PHACTR1: variants seen among roughly 807,000 people sequenced by gnomAD.
The protein encoded by PHACTR1 is phosphatase and actin regulator 1.
Under a neutral mutation model 69.2 loss-of-function variants are expected in PHACTR1, and 16 were observed. The ratio of observed to expected loss-of-function variants is 0.23; its 90% confidence interval spans 0.16 to 0.35. PHACTR1 has a LOEUF of 0.35. PHACTR1 is among the 10% of genes least tolerant of loss of function. PHACTR1 has a pLI of 1.00. For synonymous variants in PHACTR1, 312 were observed against 284.5 expected (o/e 1.10, Z -0.97); for missense variants, 510 against 734.7 (o/e 0.69, Z 3.54).
chr6:12,946,838 AG>A (rs1468802845), intron 4 of PHACTR1, among the ~76,000 whole-genome samples: 1 of 107,288 alleles, frequency 9.3e-6, no homozygotes, highest in African/African-American at 3.8e-5. Context: ...TTTGAGATGG[AG>A]TCTTGCTCTG....
chr6:12,892,759 C>T (rs1476126915), intron 4 of PHACTR1, among the ~76,000 whole-genome samples: 8 of 152,190 alleles, frequency 5.3e-5, no homozygotes, highest in Admixed American at 5.2e-4. Flanking sequence ...TGTCATAGCT[C>T]ATGCTCCAGG....
chr6:12,942,609 A>C lies in PHACTR1; in HGVS notation c.251-110756A>C, dbSNP rs376702063. On this transcript the variant is annotated intron_variant, in intron 4 of 14. Transcript: ENST00000332995. ...AGGAGGCGGCAGGTTCAGTGAGCCG[A>C]GATCATACCACTGCACTCCAGCCTG... Among the ~76,000 whole-genome samples, 3 of 152,234 alleles carry C rather than the reference A, an allele frequency of 2.0e-5. No individual in the cohort carries two copies. The East Asian group carries it at 5.8e-4, about 29-fold the overall frequency.
chr6:12,968,622 ATCTGGTGATGTGAGCTTTTT>A (rs1352455869), intron 4 of PHACTR1, among the ~76,000 whole-genome samples: 1 of 152,248 alleles, frequency 6.6e-6, no homozygotes, highest in Non-Finnish European at 1.5e-5. Context: ...AACTAAATTC[ATCTGGTGATGTGAGCTTTTT>A]TTGTCACTAA....
intron 4 of PHACTR1, among the ~76,000 whole-genome samples, chr6:12,900,284 AT>A (rs915168240): frequency 9.8e-5 from 14 of 143,172 alleles, no homozygotes; most frequent in African/African-American, 2.1e-4. Flanking sequence ...TTAGCTCATC[AT>A]TTTTTTTTTC....
chr6:12,838,006 G>T (rs771687913), intron 4 of PHACTR1, among the ~76,000 whole-genome samples: 6 of 152,192 alleles, frequency 3.9e-5, no homozygotes, highest in Non-Finnish European at 8.8e-5. Context: ...GTCATTGTCA[G>T]CAGAATTCAG....
rs111555313 is a variant in PHACTR1, at chr6:13,283,442, G to A, written c.1530G>A (p.Val510=). The A allele has an allele frequency of 5.3e-5, 86 of 1,613,714 alleles. 3 individuals carry two copies. The African/African-American group carries it at 5.5e-4, about 10-fold the overall frequency. The change falls in exon 13 of 15, where the codon GTG becomes GTA. Residue 510 remains valine (V), a synonymous_variant. Transcript: ENST00000332995. This position sits in a 1 kb window ranked among gnomAD's most constrained non-coding sequence, Gnocchi z 4.7. The part of the protein sequence containing the change: ...LTRKLSQRPT[V]EELRERKILI... ...TGCAGCTCAGTCAAAGGCCCACGGT[G>A]GAAGAGCTTCGGGAAAGAAAGATCC... is the stretch of plus-strand genomic sequence containing the variant.
intron 11 of PHACTR1, chr6:13,274,249 G>A (rs190261106): frequency 6.6e-6 from 1 of 152,198 alleles, no homozygotes; most frequent in Non-Finnish European, 1.5e-5. Flanking sequence ...GCCTTCCTCA[G>A]TCGTGGGGGA....
At chr6:13,167,104 C>T (rs982166553) in intron 6 of PHACTR1, among the ~76,000 whole-genome samples, 3 of 152,132 alleles carry the variant, frequency 2.0e-5, no homozygotes, top group East Asian at 1.9e-4. Context: ...AAGTCACAGC[C>T]GGTGAGTGTG....
At chr6:12,738,937 T>C (rs898434101) in intron 3 of PHACTR1, among the ~76,000 whole-genome samples, 1 of 152,204 alleles carries the variant, frequency 6.6e-6, no homozygotes, top group Admixed American at 6.5e-5. Context: ...TTATGTTTTT[T>C]AAACCAGTTT....
chr6:13,000,660 G>GGGAA (rs147732283), intron 4 of PHACTR1, among the ~76,000 whole-genome samples: 1,795 of 128,388 alleles, frequency 0.014, 61 homozygotes, highest in East Asian at 0.13. Flanking sequence ...AGGGAGGAAG[G>GGGAA]GGAAGGAAGG....
chr6:13,052,156 C>G (rs1477512480), intron 4 of PHACTR1, among the ~76,000 whole-genome samples: 2 of 152,232 alleles, frequency 1.3e-5, no homozygotes, highest in Non-Finnish European at 2.9e-5. Flanking sequence ...TCAATTCCAT[C>G]TACTTTCTTT....
intron 4 of PHACTR1, among the ~76,000 whole-genome samples, chr6:13,046,532 C>T (rs1207988608): frequency 2.0e-5 from 3 of 152,154 alleles, no homozygotes; most frequent in South Asian, 2.1e-4. Context: ...TCGTACTCAC[C>T]GATGTTAACA....
At chr6:12,863,267 G>A (rs994216921) in intron 4 of PHACTR1, among the ~76,000 whole-genome samples, 3 of 152,208 alleles carry the variant, frequency 2.0e-5, no homozygotes, top group African/African-American at 7.2e-5. Context: ...AGATCAAGGT[G>A]CTAGCCCCCT....
chr6:13,012,305 T>C (rs1799533984), intron 4 of PHACTR1, among the ~76,000 whole-genome samples: 1 of 152,250 alleles, frequency 6.6e-6, no homozygotes, highest in Admixed American at 6.5e-5. Flanking sequence ...CCTTGTTACC[T>C]GTGAGGCAAC....
chr6:12,906,415 A>G (rs897197930), intron 4 of PHACTR1, among the ~76,000 whole-genome samples: 1 of 152,210 alleles, frequency 6.6e-6, no homozygotes, highest in African/African-American at 2.4e-5. Context: ...AGAGCTTTCA[A>G]TGAAAAGTGC....
At chr6:13,009,372 A>G (rs1395782994) in intron 4 of PHACTR1, among the ~76,000 whole-genome samples, 1 of 152,206 alleles carries the variant, frequency 6.6e-6, no homozygotes, top group Non-Finnish European at 1.5e-5. Flanking sequence ...AAATCAAAGA[A>G]AAAATACTGG....
chr6:12,802,170 G>A lies in PHACTR1; in HGVS notation c.250+52380G>A, dbSNP rs115949910. Among the ~76,000 whole-genome samples, 1,097 of 149,960 alleles carry A rather than the reference G, an allele frequency of 7.3e-3. 9 individuals are homozygous for A. The highest frequency in any genetic ancestry group is 0.021 in the Middle Eastern group (6 of 286). On this transcript the variant is annotated intron_variant, in intron 4 of 14. Coordinates refer to ENST00000332995, the MANE Select transcript of PHACTR1 (RefSeq NM_030948.6). ...GCTCAATTTTCCTATGACTTAAAGG[G>A]CATATAAATATAACTGGCATTAATA... is the stretch of plus-strand genomic sequence containing the variant.
At chr6:13,160,746 T>C (rs1447024866) in intron 6 of PHACTR1, among the ~76,000 whole-genome samples, 1 of 152,202 alleles carries the variant, frequency 6.6e-6, no homozygotes, top group Non-Finnish European at 1.5e-5. Context: ...CACAATAGAA[T>C]AAATTGAAGG....
chr6:12,974,600 A>C (rs1053073745), intron 4 of PHACTR1, among the ~76,000 whole-genome samples: 1 of 152,174 alleles, frequency 6.6e-6, no homozygotes, highest in African/African-American at 2.4e-5. Flanking sequence ...TCAATTCACC[A>C]ACATTTTCTA....
Sources: gnomAD v4.1 joint callset for allele counts (sites outside exome capture counted in the v4.1 genomes callset) on GRCh38, gnomAD v4.1.1 for gene constraint, Gnocchi (gnomAD v3.1) non-coding constraint, MANE v1.5 for transcripts, NCBI Gene and HGNC (gene_info 2026-07-23, HGNC 2026-07-21) for gene names.